FNDC3B: variants seen among roughly 807,000 people sequenced by gnomAD.
FNDC3B encodes fibronectin type III domain containing 3B, also known as fibronectin type III domain-containing protein 3B.
Under a neutral mutation model 151.5 loss-of-function variants are expected in FNDC3B, and 12 were observed. That is an observed-to-expected ratio of 0.08 (90% confidence interval 0.05 to 0.13). FNDC3B has a LOEUF of 0.13. FNDC3B is among the 10% of genes least tolerant of loss of function. The pLI is 1.00. For synonymous variants in FNDC3B, 528 were observed against 549.0 expected (o/e 0.96, Z 0.54); for missense variants, 1,214 against 1,505.3 (o/e 0.81, Z 3.20).
rs535378566 is a variant in FNDC3B at position 172,291,066 on chromosome 3, C to T, written c.850-4297C>T. Reference sequence around the variant, plus strand: ...TTTCTGATCCAAGTACTATCATTTGCATAATAATAAAATATCAGAAAAAAA... The same window carrying T: ...TTTCTGATCCAAGTACTATCATTTGTATAATAATAAAATATCAGAAAAAAA... On this transcript the variant is annotated intron_variant, in intron 7 of 25. Coordinates refer to ENST00000415807, the MANE Select transcript of FNDC3B (RefSeq NM_022763.4). Among the ~76,000 whole-genome samples, 10 of 152,146 alleles carry T rather than the reference C, an allele frequency of 6.6e-5. No homozygotes were observed. In the South Asian group the frequency reaches 2.1e-3, roughly 32 times the overall value.
chr3:172,322,996 T>C (rs1560077613), intron 11 of FNDC3B, among the ~76,000 whole-genome samples: 2 of 152,086 alleles, frequency 1.3e-5, no homozygotes. Flanking sequence ...TTCCCTCAGG[T>C]GACTCATGAT....
At position 172,141,165 on chromosome 3, in the gene FNDC3B, C is replaced by T. The variant is rs79528483; in HGVS notation, c.187+7619C>T. Among the ~76,000 whole-genome samples the T allele has an allele frequency of 1.4e-3, 209 of 152,170 alleles. 1 individual carries two copies. Among genetic ancestry groups the T allele is most frequent in the African/African-American group, 4.7e-3 (197 of 41,500 alleles). On this transcript the variant is annotated intron_variant, in intron 3 of 25. Coordinates refer to ENST00000415807, the MANE Select transcript of FNDC3B (RefSeq NM_022763.4). ...ATTTTTCCCCCCCCTAAATAGATGG[C>T]ATGATTGTGGGCAATGACTTCATTT...
chr3:172,146,537 G>A (rs1182692269), intron 3 of FNDC3B, among the ~76,000 whole-genome samples: 1 of 152,118 alleles, frequency 6.6e-6, no homozygotes, highest in African/African-American at 2.4e-5. Context: ...AAAAGCTCCC[G>A]GGCCATTTGA....
chr3:172,159,563 C>G lies in FNDC3B; in HGVS notation c.187+26017C>G, dbSNP rs115828927. Among the ~76,000 whole-genome samples, 482 of 152,260 alleles carry G rather than the reference C, an allele frequency of 3.2e-3. 4 individuals are homozygous for G. The highest frequency in any genetic ancestry group is 3.7e-3 in the Non-Finnish European group (251 of 68,016). On this transcript the variant is annotated intron_variant, in intron 3 of 25. Transcript: ENST00000415807. ...AGCTTTGGGTCATCTCCAACTTATT[C>G]TGAGAAAATCAGTAGGAAAACCACA...
intron 2 of FNDC3B, among the ~76,000 whole-genome samples, chr3:172,125,415 G>C (rs1221859622): frequency 6.6e-6 from 1 of 152,166 alleles, no homozygotes; most frequent in Non-Finnish European, 1.5e-5. Context: ...TCCCTCCCGG[G>C]TCAGCAGTTG....
At chr3:172,381,869 A>G (rs1218931933) in intron 25 of FNDC3B, among the ~76,000 whole-genome samples, 3 of 152,140 alleles carry the variant, frequency 2.0e-5, no homozygotes, top group Non-Finnish European at 2.9e-5. Context: ...CCAGTCTAAC[A>G]TTGATGGGCA....
chr3:172,050,599 G>A (rs1174663616), intron 1 of FNDC3B, among the ~76,000 whole-genome samples: 3 of 151,724 alleles, frequency 2.0e-5, no homozygotes, highest in Non-Finnish European at 2.9e-5. Context: ...AGCCAGACTG[G>A]TCTTGAACTC....
At chr3:172,229,963 A>G (rs1726801576) in intron 4 of FNDC3B, among the ~76,000 whole-genome samples, 1 of 152,194 alleles carries the variant, frequency 6.6e-6, no homozygotes. Context: ...TCCACATGCA[A>G]AAAGAGTGAA....
At chr3:172,252,661 G>A (rs979679493) in intron 6 of FNDC3B, among the ~76,000 whole-genome samples, 1 of 152,000 alleles carries the variant, frequency 6.6e-6, no homozygotes, top group East Asian at 2.0e-4. Context: ...ATGAAATATC[G>A]CCGTCGGCAT....
At chr3:172,367,216 C>T (rs1310505045) in intron 23 of FNDC3B, among the ~76,000 whole-genome samples, 1 of 152,140 alleles carries the variant, frequency 6.6e-6, no homozygotes, top group African/African-American at 2.4e-5. Context: ...TAAAGTAGTG[C>T]TTCATATTTA....
intron 6 of FNDC3B, among the ~76,000 whole-genome samples, chr3:172,260,739 C>T (rs775475771): frequency 3.3e-5 from 5 of 152,222 alleles, no homozygotes; most frequent in South Asian, 4.1e-4. Context: ...AAAAGGTTCT[C>T]GGACTATTGC....
chr3:172,372,235 C>G (rs532577003), intron 23 of FNDC3B, among the ~76,000 whole-genome samples: 10 of 152,300 alleles, frequency 6.6e-5, no homozygotes, highest in African/African-American at 2.4e-4. Flanking sequence ...TTGTCCTCTT[C>G]TTGGTCCTCA....
intron 24 of FNDC3B, among the ~76,000 whole-genome samples, chr3:172,380,076 CT>C (rs35196745): frequency 3.8e-5 from 2 of 53,302 alleles, no homozygotes. Flanking sequence ...TCTTCTTCTT[CT>C]TTTTTTTTAA....
intron 6 of FNDC3B, among the ~76,000 whole-genome samples, chr3:172,252,484 A>G (rs1014207058): frequency 6.6e-6 from 1 of 151,456 alleles, no homozygotes; most frequent in Non-Finnish European, 1.5e-5. Context: ...TATAACACTC[A>G]TTGATTATAA....
chr3:172,143,460 C>T (rs1439457220), intron 3 of FNDC3B, among the ~76,000 whole-genome samples: 1 of 152,034 alleles, frequency 6.6e-6, no homozygotes, highest in Non-Finnish European at 1.5e-5. Flanking sequence ...AACTTTTTCC[C>T]AAACTTTGTA....
intron 6 of FNDC3B, among the ~76,000 whole-genome samples, chr3:172,253,916 A>C (rs1030891555): frequency 6.6e-6 from 1 of 152,140 alleles, no homozygotes; most frequent in Non-Finnish European, 1.5e-5. Flanking sequence ...AGTAGCTGGA[A>C]TTACAGGCAT....
intron 1 of FNDC3B, among the ~76,000 whole-genome samples, chr3:172,091,873 G>GGC (rs1553760105): frequency 8.0e-6 from 1 of 124,756 alleles, no homozygotes; most frequent in Non-Finnish European, 1.6e-5. Context: ...ACTTTACTGG[G>GGC]GTGTGTGTGT....
intron 4 of FNDC3B, among the ~76,000 whole-genome samples, chr3:172,236,940 G>T (rs2108755169): frequency 6.6e-6 from 1 of 152,290 alleles, no homozygotes; most frequent in Non-Finnish European, 1.5e-5. Context: ...CCTGGAAAGA[G>T]CTAGGTGTTC....
intron 3 of FNDC3B, among the ~76,000 whole-genome samples, chr3:172,205,022 G>A (rs9860405): frequency 0.1 from 15,447 of 152,234 alleles, 1,493 homozygotes; most frequent in African/African-American, 0.26. Context: ...ATGCTTTTGT[G>A]AGTGGAAAGG....
Sources: gnomAD v4.1 joint callset for allele counts (sites outside exome capture counted in the v4.1 genomes callset) on GRCh38, gnomAD v4.1.1 for gene constraint, MANE v1.5 for transcripts, NCBI Gene and HGNC (gene_info 2026-07-23, HGNC 2026-07-21) for gene names.